DLC1: variants seen among roughly 807,000 people sequenced by gnomAD.
The protein encoded by DLC1 is DLC1 Rho GTPase activating protein.
DLC1 carries 54 observed loss-of-function variants against 140.3 expected under a neutral mutation model. The ratio of observed to expected loss-of-function variants is 0.38; its 90% confidence interval spans 0.31 to 0.48. DLC1 has a LOEUF of 0.48. DLC1 is among the 20% of genes least tolerant of loss of function. The pLI is 0.96. For missense variants in DLC1, 2,536 were observed against 1,907.0 expected (o/e 1.33, Z -6.14); for synonymous variants, 986 against 728.1 (o/e 1.35, Z -5.70).
chr8:13,146,282 A>G (rs916198493), intron 5 of DLC1, among the ~76,000 whole-genome samples: 1 of 152,020 alleles, frequency 6.6e-6, no homozygotes, highest in Non-Finnish European at 1.5e-5. Context: ...CTCAAAAAAA[A>G]AAAAAATACA....
chr8:13,148,788 AT>A (rs897012934), intron 5 of DLC1, among the ~76,000 whole-genome samples: 4 of 151,848 alleles, frequency 2.6e-5, no homozygotes, highest in Non-Finnish European at 5.9e-5. Flanking sequence ...TGAGGTGATA[AT>A]TTTTTCTTTT....
At position 13,393,701 on chromosome 8, in the gene DLC1, A is replaced by G. The variant is rs774372225; in HGVS notation, c.1174-8T>C. The G allele has an allele frequency of 3.6e-5, 58 of 1,611,384 alleles. No homozygotes were observed. Among genetic ancestry groups the G allele is most frequent in the Non-Finnish European group, 4.7e-5 (55 of 1,179,054 alleles). The stretch of plus-strand genomic sequence containing the variant: ...AGATCCTGATTCCAGATCCTATTAA[A>G]AAACAAATGCACTGGTATGAAGGAC... On this transcript the variant is annotated splice_polypyrimidine_tract_variant and splice_region_variant and intron_variant, in intron 3 of 17. Coordinates refer to ENST00000276297, the MANE Select transcript of DLC1 (RefSeq NM_182643.3).
At chr8:13,255,150 A>G (rs1262567426) in intron 5 of DLC1, among the ~76,000 whole-genome samples, 2 of 151,616 alleles carry the variant, frequency 1.3e-5, no homozygotes, top group Non-Finnish European at 1.5e-5. Flanking sequence ...CTAACTTTTT[A>G]AGTAGAGATG....
At chr8:13,567,371 C>T in intron 1 of DLC1, 1 of 1,551,622 alleles carries the variant, frequency 6.4e-7, no homozygotes, top group East Asian at 2.4e-5. Flanking sequence ...TCTTATTGCA[C>T]CATGAAGATA....
At chr8:13,473,149 T>C (rs1454537446) in intron 2 of DLC1, among the ~76,000 whole-genome samples, 37 of 152,192 alleles carry the variant, frequency 2.4e-4, no homozygotes, top group Admixed American at 2.4e-3. Context: ...GTACTATTTA[T>C]GAGTATACCA....
At chr8:13,461,636 TTTA>T (rs1265523716) in intron 2 of DLC1, among the ~76,000 whole-genome samples, 1 of 152,204 alleles carries the variant, frequency 6.6e-6, no homozygotes, top group Non-Finnish European at 1.5e-5. Context: ...TTTATTATTA[TTTA>T]TTATTAGTTT....
intron 2 of DLC1, among the ~76,000 whole-genome samples, chr8:13,474,760 T>C (rs1800367676): frequency 1.3e-5 from 2 of 152,310 alleles, no homozygotes; most frequent in Middle Eastern, 6.8e-3. Context: ...TCCATTGGAT[T>C]TCGGACTTGC....
chr8:13,116,215 G>C (rs1820546750), intron 5 of DLC1: 1 of 985,474 alleles, frequency 1.0e-6, no homozygotes. Flanking sequence ...GGCCCAGGCT[G>C]TCAAGGAACA....
At position 13,321,085 on chromosome 8, in the gene DLC1, A is replaced by G. The variant is rs564886223; in HGVS notation, c.1315-15783T>C. On this transcript the variant is annotated intron_variant, in intron 4 of 17. Transcript: ENST00000276297. ...CTGTATAAATTACTCGCCCTCAGGT[A>G]TTCTTTATAGCGACACAAATGGACT... is the stretch of plus-strand genomic sequence containing the variant. Among the ~76,000 whole-genome samples the G allele has an allele frequency of 5.3e-5, 8 of 152,286 alleles. No individual in the cohort carries two copies. The South Asian group carries it at 1.2e-3, about 24-fold the overall frequency.
At chr8:13,157,082 T>G (rs1321447711) in intron 5 of DLC1, among the ~76,000 whole-genome samples, 1 of 152,242 alleles carries the variant, frequency 6.6e-6, no homozygotes, top group Non-Finnish European at 1.5e-5. Context: ...AACTTTGTCA[T>G]GCGTGTCACG....
At chr8:13,373,372 T>A (rs925185388) in intron 4 of DLC1, among the ~76,000 whole-genome samples, 4 of 152,210 alleles carry the variant, frequency 2.6e-5, no homozygotes, top group African/African-American at 9.6e-5. Flanking sequence ...GCTTTCTGGA[T>A]ACTTGATTAT....
At chr8:13,201,759 T>C (rs2117069569) in intron 5 of DLC1, among the ~76,000 whole-genome samples, 2 of 152,236 alleles carry the variant, frequency 1.3e-5, no homozygotes, top group South Asian at 4.2e-4. Context: ...GCATCATGAA[T>C]GTGTACAAAA....
chr8:13,244,124 C>T (rs1399973701), intron 5 of DLC1, among the ~76,000 whole-genome samples: 2 of 152,130 alleles, frequency 1.3e-5, no homozygotes, highest in Admixed American at 1.3e-4. Context: ...ATTTTACTTT[C>T]TAAATATTTT....
At chr8:13,142,207 C>T (rs1028140388) in intron 5 of DLC1, among the ~76,000 whole-genome samples, 5 of 152,198 alleles carry the variant, frequency 3.3e-5, no homozygotes, top group Non-Finnish European at 7.3e-5. Context: ...GTCAATTAAA[C>T]CACTTTCCTT....
At chr8:13,533,612 GC>G (rs1409880806) in intron 1 of DLC1, among the ~76,000 whole-genome samples, 9 of 152,204 alleles carry the variant, frequency 5.9e-5, no homozygotes, top group Non-Finnish European at 1.2e-4. Flanking sequence ...ACTGACAGGT[GC>G]TGAGGACCAA....
intron 1 of DLC1, among the ~76,000 whole-genome samples, chr8:13,591,419 T>TC (rs1460781151): frequency 6.6e-6 from 1 of 152,050 alleles, no homozygotes. Flanking sequence ...ATCTGGCATT[T>TC]CCCCTGCTGG....
rs541909208 is a variant in DLC1 at position 13,171,775 on chromosome 8, C to A, written c.1349-56118G>T. ...CATATAACATCTAATCAAGGCCTTG[C>A]GGAGGGTATAGCTAGAGTACTTGGA... On this transcript the variant is annotated intron_variant, in intron 5 of 17. Transcript: ENST00000276297. Among the ~76,000 whole-genome samples, 487 of 152,170 alleles carry A rather than the reference C, an allele frequency of 3.2e-3. 4 individuals carry two copies. Among genetic ancestry groups the A allele is most frequent in the African/African-American group, 0.011 (462 of 41,510 alleles).
chr8:13,089,759 T>C (rs952596167), intron 15 of DLC1, among the ~76,000 whole-genome samples: 11 of 152,254 alleles, frequency 7.2e-5, no homozygotes, highest in African/African-American at 2.7e-4. Flanking sequence ...ATACCTCCGA[T>C]GGACCTATCC....
At chr8:13,467,457 T>TTC (rs1418858415) in intron 2 of DLC1, among the ~76,000 whole-genome samples, 1 of 151,488 alleles carries the variant, frequency 6.6e-6, no homozygotes, top group Non-Finnish European at 1.5e-5. Context: ...ATATTCCTTT[T>TTC]TTTTTCTTTT....
Sources: allele counts gnomAD v4.1 joint callset (sites outside exome capture counted in the v4.1 genomes callset), GRCh38; gene constraint gnomAD v4.1.1; transcripts MANE v1.5; gene names NCBI Gene and HGNC (gene_info 2026-07-23, HGNC 2026-07-21).